The following HGD variants were observed in gnomAD, a reference collection of about 807,000 sequenced individuals.
The protein encoded by HGD is homogentisate oxidase.
A neutral mutation model predicts 60.8 loss-of-function variants in HGD; 61 were observed. The observed-to-expected ratio is 1.00, with a 90% CI of 0.82 to 1.24. The LOEUF (loss-of-function observed/expected upper bound fraction) is 1.24, where lower values mean the gene tolerates loss of function less well. Among genes scored for constraint, HGD ranks in the 50% most tolerant of loss-of-function variants. The pLI, the probability that HGD is intolerant of heterozygous loss-of-function variation, is 0.00. For synonymous variants in HGD, 212 were observed against 187.7 expected (o/e 1.13, Z -1.06); for missense variants, 542 against 547.1 (o/e 0.99, Z 0.09).
At chr3:120,630,904 A>C (rs1940574433) in intron 13 of HGD, among the ~76,000 whole-genome samples, 1 of 150,712 alleles carries the variant, frequency 6.6e-6, no homozygotes, top group African/African-American at 2.5e-5. Context: ...TGCAGCCATA[A>C]AAAAGAACAA....
At chr3:120,628,908 C>T (rs1224203757) in intron 13 of HGD, among the ~76,000 whole-genome samples, 1 of 152,146 alleles carries the variant, frequency 6.6e-6, no homozygotes, top group Non-Finnish European at 1.5e-5. Context: ...GTGGCTATGT[C>T]CTTGTGAGGA....
At chr3:120,647,774 G>T in intron 7 of HGD, 103 bp downstream of exon 7, 1 of 979,604 alleles carries the variant, frequency 1.0e-6, no homozygotes, top group Non-Finnish European at 1.7e-6. Flanking sequence ...AATGAAATAA[G>T]ACAGATTGGA....
chr3:120,630,776 G>C (rs1231752750), intron 13 of HGD, among the ~76,000 whole-genome samples: 2 of 123,880 alleles, frequency 1.6e-5, no homozygotes, highest in East Asian at 4.5e-4. Flanking sequence ...TTGACAAATG[G>C]ATCTAATTAA....
intron 6 of HGD, 36 bp from the exon 7 acceptor site, chr3:120,647,947 T>G: frequency 1.3e-6 from 2 of 1,522,102 alleles, no homozygotes; most frequent in Non-Finnish European, 1.8e-6. Flanking sequence ...GATTTTCAGT[T>G]TTAACATTGT....
chr3:120,652,759 T>G, intron 4 of HGD, 108 bp from the exon 5 acceptor site: 1 of 732,718 alleles, frequency 1.4e-6, no homozygotes, highest in Non-Finnish European at 2.4e-6. Context: ...CTACCCCCTC[T>G]GTGAGGCTCT....
At chr3:120,668,233 T>C (rs1707944378) in intron 4 of HGD, among the ~76,000 whole-genome samples, 1 of 152,182 alleles carries the variant, frequency 6.6e-6, no homozygotes, top group South Asian at 2.1e-4. Context: ...TAGATAGTAT[T>C]TTAAATACCA....
At chr3:120,655,931 G>T (rs993231625) in intron 4 of HGD, among the ~76,000 whole-genome samples, 1 of 152,220 alleles carries the variant, frequency 6.6e-6, no homozygotes, top group African/African-American at 2.4e-5. Context: ...AGTAAAGGAT[G>T]CTTGCTGACT....
intron 2 of HGD, 33 bp from the exon 3 acceptor site, chr3:120,675,022 C>A (rs372518554): frequency 1.7e-4 from 251 of 1,476,646 alleles, no homozygotes; most frequent in Non-Finnish European, 2.2e-4. Flanking sequence ...CAATATTACT[C>A]CCATCCGAAA....
At chr3:120,679,222 T>C (rs1708188492) in intron 1 of HGD, among the ~76,000 whole-genome samples, 1 of 152,226 alleles carries the variant, frequency 6.6e-6, no homozygotes, top group Non-Finnish European at 1.5e-5. Context: ...CAGAGTAGTT[T>C]TATGAGGTGC....
In HGD at chr3:120,675,824, G is replaced by C; in HGVS notation, c.55C>G (p.Pro19Ala). Residue 19 changes from proline (P) to alanine (A), a missense_variant, in exon 2 of 14, where the codon CCT becomes GCT. Pro to Ala is a conservative substitution (Grantham distance 27, BLOSUM62 -1). Around this residue, in one of 2 missense-constraint regions of HGD, gnomAD observed 537 missense variants for 529.1 expected, o/e 1.01. Transcript: ENST00000283871. The stretch of plus-strand genomic sequence containing the variant: ...TCTGGCAGGGAACCTGGGCAGCGAG[G>C]ATCCTCTGAAGAACACTCATTCCCA... ...GFGNECSSEDPRCPGSLPEGQ... is the reference protein window; with the variant it reads ...GFGNECSSEDARCPGSLPEGQ... 2 of 1,613,608 alleles carry C rather than the reference G, an allele frequency of 1.2e-6. No individual in the cohort carries two copies. The highest frequency in any genetic ancestry group is 1.7e-6 in the Non-Finnish European group (2 of 1,179,634).
chr3:120,645,356 G>A (rs1046832813), intron 9 of HGD, among the ~76,000 whole-genome samples: 1 of 152,180 alleles, frequency 6.6e-6, no homozygotes, highest in African/African-American at 2.4e-5. Context: ...TGACCAGAAG[G>A]CACACACTGG....
intron 4 of HGD, among the ~76,000 whole-genome samples, chr3:120,655,192 T>C (rs186668490): frequency 2.3e-4 from 35 of 152,276 alleles, no homozygotes; most frequent in African/African-American, 7.5e-4. Flanking sequence ...GTGGAAAAGG[T>C]TGAGCCAGAG....
chr3:120,654,369 G>A (rs1471006977), intron 4 of HGD, among the ~76,000 whole-genome samples: 1 of 152,160 alleles, frequency 6.6e-6, no homozygotes, highest in Admixed American at 6.5e-5. Context: ...CAGAATCTGT[G>A]AAGGTAGGGC....
Position 120,650,799 on chromosome 3 carries a change from G to C in HGD, c.409C>G (p.Leu137Val), listed in dbSNP as rs779549148. The change falls in exon 6 of 14, where the codon CTC (leucine) becomes GTC (valine). Residue 137 changes from leucine (L) to valine (V), a missense_variant. Physicochemically the swap from Leu to Val is conservative, Grantham distance 32 (BLOSUM62 1). Transcript: ENST00000283871. Reference protein sequence around the residue: ...SNNGLAIHIFLCNTSMENRCF... With the variant: ...SNNGLAIHIFVCNTSMENRCF... ...CTGTTCTCCATGGAGGTATTGCAGA[G>C]GAAAATGTGGATAGCAAGCCCATTG... The C allele has an allele frequency of 2.5e-6, 4 of 1,614,030 alleles. No homozygotes were observed. Among genetic ancestry groups the C allele is most frequent in the South Asian group, 1.1e-5 (1 of 91,086 alleles).
rs1361292113 is a variant in HGD, at chr3:120,638,178, AC to A, written c.1006+276del. ...CAGATGCCAGCACCATGCTGCTTGT[AC>A]AGCCTGCATAACCACGAGCCAAATG... On this transcript the variant is annotated intron_variant, in intron 12 of 13. Transcript: ENST00000283871. Among the ~76,000 whole-genome samples the A allele has an allele frequency of 4.6e-5, 7 of 152,302 alleles. No individual in the cohort carries two copies. In the East Asian group the frequency reaches 1.4e-3, roughly 29 times the overall value.
intron 4 of HGD, among the ~76,000 whole-genome samples, chr3:120,660,145 T>C (rs1198672511): frequency 6.6e-6 from 1 of 152,180 alleles, no homozygotes; most frequent in Non-Finnish European, 1.5e-5. Flanking sequence ...GGAAGCATCC[T>C]GAGGCCCCTC....
intron 13 of HGD, among the ~76,000 whole-genome samples, chr3:120,630,825 T>TATATATATATATACACAG (rs1491569082): frequency 9.6e-6 from 1 of 104,120 alleles, no homozygotes; most frequent in African/African-American, 4.6e-5. Context: ...TATATATATA[T>TATATATATATATACACAG]ACACATACAC....
chr3:120,654,942 G>A (rs1293407718), intron 4 of HGD, among the ~76,000 whole-genome samples: 1 of 152,146 alleles, frequency 6.6e-6, no homozygotes, highest in Non-Finnish European at 1.5e-5. Flanking sequence ...GTGGTGGCAT[G>A]CACCTGTAGT....
chr3:120,655,911 C>T (rs1941482250), intron 4 of HGD, among the ~76,000 whole-genome samples: 1 of 152,204 alleles, frequency 6.6e-6, no homozygotes, highest in African/African-American at 2.4e-5. Context: ...AGAGGAGAAA[C>T]TCTGAAAGAA....
Sources: gnomAD v4.1 joint callset for allele counts (sites outside exome capture counted in the v4.1 genomes callset) on GRCh38, gnomAD v4.1.1 for gene constraint, gnomAD v4.1.1 regional missense constraint, MANE v1.5 for transcripts, NCBI Gene and HGNC (gene_info 2026-07-23, HGNC 2026-07-21) for gene names.